Variants in FAM135A observed in about 807,000 individuals in gnomAD.
The protein encoded by FAM135A is protein FAM135A.
In FAM135A, 79 loss-of-function variants were observed where a neutral mutation model predicts 146.8. The observed-to-expected ratio is 0.54, with a 90% CI of 0.45 to 0.65. FAM135A has a LOEUF of 0.65. Among genes scored for constraint, FAM135A ranks in the 30% least tolerant of loss-of-function variants. FAM135A has a pLI of 0.00. For synonymous variants in FAM135A, 562 were observed against 603.6 expected (o/e 0.93, Z 1.01); for missense variants, 1,623 against 1,758.2 (o/e 0.92, Z 1.38).
At chr6:70,451,586 C>G (rs1777093106) in intron 4 of FAM135A, among the ~76,000 whole-genome samples, 1 of 152,072 alleles carries the variant, frequency 6.6e-6, no homozygotes, top group Admixed American at 6.5e-5. Context: ...TTTGACTGAC[C>G]TTTCATTTAC....
intron 20 of FAM135A, among the ~76,000 whole-genome samples, chr6:70,552,685 G>A (rs1415958759): frequency 6.6e-6 from 1 of 151,886 alleles, no homozygotes; most frequent in Admixed American, 6.6e-5. Flanking sequence ...GGCCAGGCTG[G>A]TCTCAAATTC....
At chr6:70,539,594 C>T (rs1264313875) in intron 20 of FAM135A, among the ~76,000 whole-genome samples, 3 of 152,186 alleles carry the variant, frequency 2.0e-5, no homozygotes, top group African/African-American at 7.2e-5. Context: ...ATCATTACTC[C>T]TCCACTGTTA....
At chr6:70,508,088 G>T (rs1167660696) in intron 12 of FAM135A, among the ~76,000 whole-genome samples, 2 of 152,090 alleles carry the variant, frequency 1.3e-5, no homozygotes, top group Non-Finnish European at 2.9e-5. Context: ...AAAAGGCGAG[G>T]TTCATACTAG....
rs190250534 is a variant in FAM135A, at chr6:70,512,302, C to A, written c.1029+9511C>A. On this transcript the variant is annotated intron_variant, in intron 12 of 21. Transcript: ENST00000418814. The stretch of plus-strand genomic sequence containing the variant: ...CATTTATCTGTTCCCCTTAACTCTT[C>A]TGAGTAAAGATGCTACGAACATTCT... Among the ~76,000 whole-genome samples, 58 of 151,998 alleles carry A rather than the reference C, an allele frequency of 3.8e-4. No homozygotes were observed. The East Asian group carries it at 9.8e-3, about 26-fold the overall frequency.
At chr6:70,440,954 A>G (rs1774320780) in intron 4 of FAM135A, among the ~76,000 whole-genome samples, 1 of 152,230 alleles carries the variant, frequency 6.6e-6, no homozygotes, top group South Asian at 2.1e-4. Context: ...TTTACACAGA[A>G]AAGACATAAT....
chr6:70,521,048 G>C (rs766012306), intron 12 of FAM135A, among the ~76,000 whole-genome samples: 1 of 152,002 alleles, frequency 6.6e-6, no homozygotes, highest in East Asian at 1.9e-4. Flanking sequence ...TTGTGTCTTT[G>C]TTTCCTCACC....
At chr6:70,482,597 A>G (rs1169308198) in intron 10 of FAM135A, among the ~76,000 whole-genome samples, 1 of 152,070 alleles carries the variant, frequency 6.6e-6, no homozygotes, top group Non-Finnish European at 1.5e-5. Context: ...TTCCTTTTAT[A>G]TTGTTTTAGG....
chr6:70,429,350 TA>T (rs1356368010), intron 4 of FAM135A, among the ~76,000 whole-genome samples: 1 of 151,930 alleles, frequency 6.6e-6, no homozygotes, highest in African/African-American at 2.4e-5. Context: ...CTACCTCTAC[TA>T]AAAATACAAA....
chr6:70,457,993 T>A (rs187671432), intron 5 of FAM135A, among the ~76,000 whole-genome samples: 1 of 152,166 alleles, frequency 6.6e-6, no homozygotes, highest in Admixed American at 6.5e-5. Flanking sequence ...AGTTTACTAG[T>A]ATATTTAAAG....
At chr6:70,479,247 T>C (rs1783236751) in intron 8 of FAM135A, among the ~76,000 whole-genome samples, 1 of 152,140 alleles carries the variant, frequency 6.6e-6, no homozygotes, top group African/African-American at 2.4e-5. Context: ...ATCACCATCG[T>C]AGTGAGTTAA....
At chr6:70,534,845 A>C (rs1796519449) in intron 18 of FAM135A, among the ~76,000 whole-genome samples, 1 of 152,190 alleles carries the variant, frequency 6.6e-6, no homozygotes, top group Admixed American at 6.5e-5. Context: ...TCCAACTCGA[A>C]GTATAGGGAA....
In FAM135A at chr6:70,526,277, C is replaced by A. The variant is rs1291101701; in HGVS notation, c.3193C>A (p.Pro1065Thr). 1 of 1,613,234 alleles carries A rather than the reference C, an allele frequency of 6.2e-7. No individual in the cohort carries two copies. The highest frequency in any genetic ancestry group is 1.3e-5 in the African/African-American group (1 of 74,844). Residue 1065 changes from proline to threonine, a missense_variant, in exon 15 of 22, where the codon CCT (proline) becomes ACT (threonine). Physicochemically the swap from Pro to Thr is conservative, Grantham distance 38. Around this residue, in one of 7 missense-constraint regions of FAM135A, gnomAD observed 1,061 missense variants for 1,113.8 expected, o/e 0.95. Transcript: ENST00000418814. ...TGTTAGCTACAGCAATGCACTTAGC[C>A]CTCAGAAGGAAACTTCTGAAAAAGA... ...CAVSYSNALSPQKETSEKEIS... is the reference protein window; with the variant it reads ...CAVSYSNALSTQKETSEKEIS...
chr6:70,465,584 T>C (rs1780298532), intron 5 of FAM135A, among the ~76,000 whole-genome samples: 1 of 152,146 alleles, frequency 6.6e-6, no homozygotes, highest in South Asian at 2.1e-4. Flanking sequence ...CTAACTTTGT[T>C]GCCCAGGCTA....
At chr6:70,481,649 A>T (rs925356762) in intron 9 of FAM135A, among the ~76,000 whole-genome samples, 10 of 92,346 alleles carry the variant, frequency 1.1e-4, no homozygotes, top group South Asian at 6.0e-4. Flanking sequence ...AAAGAAAATT[A>T]AAAAAAAAAA....
intron 11 of FAM135A, among the ~76,000 whole-genome samples, chr6:70,493,909 C>T (rs1786617150): frequency 1.3e-5 from 2 of 151,746 alleles, no homozygotes; most frequent in Admixed American, 6.6e-5. Flanking sequence ...AAAAATTAGC[C>T]GGGCATGGTG....
intron 10 of FAM135A, among the ~76,000 whole-genome samples, chr6:70,486,437 A>G (rs1784668156): frequency 6.6e-6 from 1 of 152,208 alleles, no homozygotes; most frequent in African/African-American, 2.4e-5. Flanking sequence ...AATTTGTAAT[A>G]TTGAAGTTTT....
At chr6:70,481,175 G>T in intron 9 of FAM135A, 148 bp downstream of exon 9, 1 of 752,800 alleles carries the variant, frequency 1.3e-6, no homozygotes. Flanking sequence ...AAAATTGTTT[G>T]GTTCTAATTG....
intron 19 of FAM135A, among the ~76,000 whole-genome samples, chr6:70,537,436 G>A (rs1337784936): frequency 1.3e-5 from 2 of 151,914 alleles, no homozygotes; most frequent in Non-Finnish European, 2.9e-5. Context: ...CCCATTTCAA[G>A]TTGGTGATTT....
chr6:70,424,270 A>T (rs1440169042), intron 2 of FAM135A, among the ~76,000 whole-genome samples: 3 of 152,218 alleles, frequency 2.0e-5, no homozygotes, highest in Non-Finnish European at 4.4e-5. Flanking sequence ...CCAGCTTGCA[A>T]GTTACACAGT....
Sources: gnomAD v4.1 joint callset for allele counts (sites outside exome capture counted in the v4.1 genomes callset) on GRCh38, gnomAD v4.1.1 for gene constraint, gnomAD v4.1.1 regional missense constraint, MANE v1.5 for transcripts, NCBI Gene and HGNC (gene_info 2026-07-23, HGNC 2026-07-21) for gene names.